The following ANK3 variants were observed in gnomAD, a reference collection of about 807,000 sequenced individuals.
ANK3 encodes the protein ankyrin 3, also known as ankyrin-3.
A neutral mutation model predicts 370.9 loss-of-function variants in ANK3; 57 were observed. The ratio of observed to expected loss-of-function variants is 0.15; its 90% CI spans 0.12 to 0.19. The LOEUF (loss-of-function observed/expected upper bound fraction) is 0.19, where lower values mean the gene tolerates loss of function less well. Ranked by LOEUF, ANK3 falls within the 10% of genes least tolerant of loss-of-function variation. The probability of loss-of-function intolerance (pLI) is 1.00; values close to 1 mark genes in which losing one functional copy is unlikely to be tolerated. For synonymous variants in ANK3, 1,929 were observed against 1,946.3 expected (o/e 0.99, Z 0.23); for missense variants, 4,439 against 5,302.1 (o/e 0.84, Z 5.06).
intron 25 of ANK3, among the ~76,000 whole-genome samples, chr10:60,132,103 C>T (rs114124103): frequency 0.035 from 5,311 of 152,194 alleles, 335 homozygotes; most frequent in African/African-American, 0.12. Context: ...AGCAGGATTA[C>T]AGACTGAAAT....
chr10:60,229,720 C>T (rs1005362303), intron 8 of ANK3, among the ~76,000 whole-genome samples: 2 of 152,042 alleles, frequency 1.3e-5, no homozygotes, highest in East Asian at 3.9e-4. Context: ...TACCATAGGA[C>T]CAGTATAAAG....
chr10:60,099,450 T>C (rs1564995897), intron 28 of ANK3, among the ~76,000 whole-genome samples: 1 of 152,240 alleles, frequency 6.6e-6, no homozygotes. Flanking sequence ...GTTATGGTAC[T>C]GTGGGTGTAT....
chr10:60,193,289 AT>A (rs572162808), intron 16 of ANK3, among the ~76,000 whole-genome samples: 96 of 152,368 alleles, frequency 6.3e-4, no homozygotes, highest in South Asian at 1.2e-3. Flanking sequence ...ATAGAGAACT[AT>A]GAATACTAAG....
intron 42 of ANK3, 94 bp downstream of exon 42, chr10:60,055,564 A>C: frequency 6.9e-7 from 1 of 1,453,602 alleles, no homozygotes; most frequent in South Asian, 1.6e-5. Context: ...AATCGTAAAA[A>C]ACCTTGGGCC....
At chr10:60,657,522 G>T (rs894002253) in intron 1 of ANK3, among the ~76,000 whole-genome samples, 2 of 151,942 alleles carry the variant, frequency 1.3e-5, no homozygotes, top group African/African-American at 2.4e-5. Flanking sequence ...GGTATTTGGG[G>T]GTTTTCTAGA....
chr10:60,103,179 T>A (rs1207303808), intron 28 of ANK3, among the ~76,000 whole-genome samples: 1 of 152,118 alleles, frequency 6.6e-6, no homozygotes, highest in East Asian at 1.9e-4. Flanking sequence ...CTCCATCTCT[T>A]GACTTCGTGA....
intron 2 of ANK3, among the ~76,000 whole-genome samples, chr10:60,563,138 C>A (rs1172141201): frequency 6.6e-6 from 1 of 152,090 alleles, no homozygotes; most frequent in Non-Finnish European, 1.5e-5. Context: ...TTTTAAAAAA[C>A]CAAGCTTTAT....
At chr10:60,326,191 C>A (rs981565589) in intron 1 of ANK3, among the ~76,000 whole-genome samples, 1 of 152,080 alleles carries the variant, frequency 6.6e-6, no homozygotes, top group African/African-American at 2.4e-5. Flanking sequence ...AGGTTTAATA[C>A]CTGGGTGATG....
chr10:60,457,095 C>T (rs2064767132), intron 2 of ANK3, among the ~76,000 whole-genome samples: 1 of 152,080 alleles, frequency 6.6e-6, no homozygotes, highest in African/African-American at 2.4e-5. Flanking sequence ...GTAAGACAGC[C>T]TTAAGTCTCT....
At chr10:60,162,947 C>T (rs369815745) in intron 23 of ANK3, among the ~76,000 whole-genome samples, 2 of 152,130 alleles carry the variant, frequency 1.3e-5, no homozygotes, top group Non-Finnish European at 2.9e-5. Context: ...TTTTATACCC[C>T]CCTGCCCCAA....
chr10:60,420,694 T>C (rs1425582572), intron 2 of ANK3, among the ~76,000 whole-genome samples: 1 of 152,146 alleles, frequency 6.6e-6, no homozygotes, highest in Non-Finnish European at 1.5e-5. Flanking sequence ...GAACAGTGTT[T>C]ACACATAAGA....
intron 2 of ANK3, among the ~76,000 whole-genome samples, chr10:60,424,820 T>A (rs1450448464): frequency 1.3e-5 from 2 of 152,006 alleles, no homozygotes; most frequent in East Asian, 1.9e-4. Context: ...GTGCCAAGTA[T>A]GAGGTGGTTG....
chr10:60,690,808 C>T (rs1272032998), intron 1 of ANK3, among the ~76,000 whole-genome samples: 1 of 152,054 alleles, frequency 6.6e-6, no homozygotes, highest in East Asian at 1.9e-4. Flanking sequence ...GAGTCCAGGC[C>T]GGAAAATGTA....
chr10:60,720,007 CT>C (rs1192231389), intron 1 of ANK3, among the ~76,000 whole-genome samples: 1 of 152,034 alleles, frequency 6.6e-6, no homozygotes, highest in African/African-American at 2.4e-5. Flanking sequence ...TTTAAGATCA[CT>C]TTAAAGAAAA....
At chr10:60,383,935 C>T (rs1257110469) in intron 1 of ANK3, among the ~76,000 whole-genome samples, 5 of 152,106 alleles carry the variant, frequency 3.3e-5, no homozygotes, top group African/African-American at 1.2e-4. Context: ...TGTTCTCAAA[C>T]CCTTATATTG....
intron 7 of ANK3, among the ~76,000 whole-genome samples, chr10:60,240,066 CAT>C (rs10539143): frequency 0.69 from 99,030 of 142,906 alleles, 34,803 homozygotes; most frequent in East Asian, 0.85. Flanking sequence ...CACATATATA[CAT>C]ATATATACAT....
At position 60,334,978 on chromosome 10, in the gene ANK3, C is replaced by T. The variant is rs562896610; in HGVS notation, c.114+54447G>A. Among the ~76,000 whole-genome samples the T allele has an allele frequency of 3.3e-5, 5 of 152,134 alleles. No homozygotes were observed. The South Asian group carries it at 8.3e-4, about 25-fold the overall frequency. On this transcript the variant is annotated intron_variant, in intron 1 of 43. Transcript: ENST00000280772. ...TTTGAAACACTGTACTGGCTTTATA[C>T]GACCTTATATTTATATTCCCACTAT...
rs551145574 is a variant in ANK3 at position 60,715,271 on chromosome 10, G to T, written c.57+17992C>A. On this transcript the variant is annotated intron_variant, in intron 1 of 43. Transcript: ENST00000373827. ...TATAAAATTGCTTTGTAAAGTTCGT[G>T]AAAGCAAACACGGTGTTTGATTTAC... is the stretch of plus-strand genomic sequence containing the variant. Among the ~76,000 whole-genome samples, 4 of 150,480 alleles carry T rather than the reference G, an allele frequency of 2.7e-5. No homozygotes were observed. In the South Asian group the frequency reaches 6.3e-4, roughly 24 times the overall value.
intron 2 of ANK3, among the ~76,000 whole-genome samples, chr10:60,569,099 A>T (rs527259599): frequency 6.6e-6 from 1 of 152,078 alleles, no homozygotes; most frequent in African/African-American, 2.4e-5. Flanking sequence ...AAGAAAAAAA[A>T]TCTTTAAGTG....
Sources: allele counts gnomAD v4.1 joint callset (sites outside exome capture counted in the v4.1 genomes callset), GRCh38; gene constraint gnomAD v4.1.1; transcripts MANE v1.5; gene names NCBI Gene and HGNC (gene_info 2026-07-23, HGNC 2026-07-21).